CDH12: variants seen among roughly 807,000 people sequenced by gnomAD.
The protein encoded by CDH12 is cadherin-12.
Under a neutral mutation model 74.1 loss-of-function variants are expected in CDH12, and 41 were observed. The observed-to-expected ratio is 0.55, with a 90% confidence interval of 0.43 to 0.72. The LOEUF is 0.72. CDH12 is among the 30% of genes least tolerant of loss of function. The probability of loss-of-function intolerance (pLI) is 0.00; values close to 1 mark genes in which losing one functional copy is unlikely to be tolerated. For missense variants in CDH12, 945 were observed against 977.2 expected (o/e 0.97, Z 0.44); for synonymous variants, 399 against 355.0 (o/e 1.12, Z -1.39).
At chr5:22,525,830 A>G (rs1318808583) in intron 1 of CDH12, among the ~76,000 whole-genome samples, 1 of 152,198 alleles carries the variant, frequency 6.6e-6, no homozygotes, top group East Asian at 1.9e-4. Flanking sequence ...AAGGGTTATG[A>G]GCATAACTAC....
At chr5:22,712,459 G>A (rs189253006) in intron 1 of CDH12, among the ~76,000 whole-genome samples, 10 of 144,112 alleles carry the variant, frequency 6.9e-5, no homozygotes, top group Admixed American at 5.8e-4. Context: ...CTAATCAATA[G>A]AGGCCTTTTG....
At chr5:21,983,113 T>C (rs964288554) in intron 5 of CDH12, among the ~76,000 whole-genome samples, 1 of 152,150 alleles carries the variant, frequency 6.6e-6, no homozygotes, top group Non-Finnish European at 1.5e-5. Flanking sequence ...TTTGGTTTAC[T>C]ATTTTGTTGT....
intron 2 of CDH12, among the ~76,000 whole-genome samples, chr5:22,423,325 G>A (rs1414696327): frequency 2.6e-5 from 4 of 151,982 alleles, no homozygotes; most frequent in Middle Eastern, 3.2e-3. Context: ...CTGAGAATCT[G>A]AGAACCACTC....
At chr5:21,788,141 C>T (rs1355131920) in intron 10 of CDH12, among the ~76,000 whole-genome samples, 3 of 152,062 alleles carry the variant, frequency 2.0e-5, no homozygotes, top group Non-Finnish European at 4.4e-5. Flanking sequence ...GTTGGGAAGA[C>T]ATGTATAAAC....
At chr5:21,820,290 G>C (rs1417535078) in intron 8 of CDH12, among the ~76,000 whole-genome samples, 1 of 151,810 alleles carries the variant, frequency 6.6e-6, no homozygotes, top group African/African-American at 2.4e-5. Flanking sequence ...AGTTAAATAG[G>C]GTGTTTTGTT....
At chr5:22,379,462 G>A (rs1404820545) in intron 3 of CDH12, among the ~76,000 whole-genome samples, 1 of 152,108 alleles carries the variant, frequency 6.6e-6, no homozygotes, top group African/African-American at 2.4e-5. Flanking sequence ...CAAGAAATAA[G>A]CAGGTTGTTC....
intron 1 of CDH12, among the ~76,000 whole-genome samples, chr5:22,784,728 G>C (rs761013363): frequency 4.6e-5 from 7 of 152,096 alleles, no homozygotes; most frequent in Non-Finnish European, 8.8e-5. Context: ...TGCAAAAAGA[G>C]TATGTTTTCT....
At position 22,784,452 on chromosome 5, in the gene CDH12, T is replaced by TAGGTAGGAATAGTGAGAA. The variant is rs1380526567; in HGVS notation, c.-523+68605_-523+68606insTTCTCACTATTCCTACCT. Among the ~76,000 whole-genome samples the TAGGTAGGAATAGTGAGAA allele has an allele frequency of 7.9e-5, 12 of 152,276 alleles. No individual in the cohort carries two copies. The East Asian group carries it at 2.3e-3, about 29-fold the overall frequency. On this transcript the variant is annotated intron_variant, in intron 1 of 14. Transcript: ENST00000382254. ...TTTATATATTTCCTACCTTGGACAATGACTCATCTTCTGCACTACTTTTTC... is the reference window on the plus strand; with the variant it reads ...TTTATATATTTCCTACCTTGGACAATAGGTAGGAATAGTGAGAAGACTCATCTTCTGCACTACTTTTTC...
At chr5:22,731,246 A>G (rs896527735) in intron 1 of CDH12, among the ~76,000 whole-genome samples, 2 of 151,886 alleles carry the variant, frequency 1.3e-5, no homozygotes, top group African/African-American at 2.4e-5. Flanking sequence ...CAAGTTTAAG[A>G]ACCAGTGTTT....
intron 1 of CDH12, among the ~76,000 whole-genome samples, chr5:22,652,144 C>G (rs890882428): frequency 1.3e-5 from 2 of 152,044 alleles, no homozygotes; most frequent in African/African-American, 4.8e-5. Context: ...CAGGCTATAA[C>G]AGACATTTTG....
At chr5:22,308,043 G>C (rs1172028704) in intron 3 of CDH12, among the ~76,000 whole-genome samples, 2 of 151,540 alleles carry the variant, frequency 1.3e-5, no homozygotes, top group Non-Finnish European at 1.5e-5. Context: ...ACCACGCCCG[G>C]CTAATTTTTT....
chr5:21,938,278 C>T (rs7737364), intron 6 of CDH12, among the ~76,000 whole-genome samples: 2,981 of 152,046 alleles, frequency 0.02, 82 homozygotes, highest in South Asian at 0.06. Context: ...AATTAATTTA[C>T]CTAGAGGGAA....
chr5:22,793,897 T>G (rs1013845220), intron 1 of CDH12, among the ~76,000 whole-genome samples: 1 of 152,192 alleles, frequency 6.6e-6, no homozygotes, highest in African/African-American at 2.4e-5. Flanking sequence ...TACTCCTTTC[T>G]CATTACTATT....
At chr5:22,306,298 G>A (rs1434426220) in intron 3 of CDH12, among the ~76,000 whole-genome samples, 1 of 152,016 alleles carries the variant, frequency 6.6e-6, no homozygotes, top group Non-Finnish European at 1.5e-5. Context: ...CTGGTACACA[G>A]AGACACAGAG....
intron 1 of CDH12, among the ~76,000 whole-genome samples, chr5:22,666,282 CTT>C (rs1161509257): frequency 9.3e-4 from 78 of 83,520 alleles, no homozygotes; most frequent in Middle Eastern, 6.7e-3. Context: ...ATCTCTCTAT[CTT>C]TTTTTTTTTT....
At chr5:22,850,935 A>G (rs1369074736) in intron 1 of CDH12, among the ~76,000 whole-genome samples, 3 of 152,142 alleles carry the variant, frequency 2.0e-5, no homozygotes, top group African/African-American at 7.2e-5. Flanking sequence ...TATTAATCTC[A>G]TAATGATAAA....
chr5:21,892,876 A>T (rs533869834), intron 6 of CDH12, among the ~76,000 whole-genome samples: 28 of 152,264 alleles, frequency 1.8e-4, no homozygotes, highest in African/African-American at 6.7e-4. Context: ...TTGTTGAAAT[A>T]ATAACTTAAT....
intron 3 of CDH12, chr5:22,212,846 G>C (rs1407321584): frequency 6.5e-6 from 1 of 152,860 alleles, no homozygotes; most frequent in Non-Finnish European, 1.5e-5. Context: ...AACACACGCC[G>C]AGGGTTGGTG....
intron 6 of CDH12, among the ~76,000 whole-genome samples, chr5:21,940,648 A>G (rs964995417): frequency 1.1e-4 from 17 of 152,170 alleles, no homozygotes; most frequent in African/African-American, 4.1e-4. Flanking sequence ...AAGTGGTGTA[A>G]ATCTGATTAT....
Sources: allele counts gnomAD v4.1 joint callset (sites outside exome capture counted in the v4.1 genomes callset), GRCh38; gene constraint gnomAD v4.1.1; transcripts MANE v1.5; gene names NCBI Gene and HGNC (gene_info 2026-07-23, HGNC 2026-07-21).